Variants in HNRNPM observed in about 807,000 individuals in gnomAD.
HNRNPM encodes the protein heterogeneous nuclear ribonucleoprotein M, also known as CEA receptor.
Under a neutral mutation model 73.1 loss-of-function variants are expected in HNRNPM, and 11 were observed. The ratio of observed to expected loss-of-function variants is 0.15; its 90% CI spans 0.09 to 0.25. HNRNPM has a LOEUF of 0.25. Ranked by LOEUF, HNRNPM falls within the 10% of genes least tolerant of loss-of-function variation. HNRNPM has a pLI of 1.00. For missense variants in HNRNPM, 789 were observed against 1,067.9 expected (o/e 0.74, Z 3.64); for synonymous variants, 407 against 355.2 (o/e 1.15, Z -1.64).
In HNRNPM at chr19:8,445,213, C is replaced by T. The variant is rs1968048407; in HGVS notation, c.113+102C>T. 5.6e-6 allele frequency: 6 copies of T among 1,073,986 alleles called. No homozygotes were observed. In the East Asian group the frequency reaches 9.8e-5, roughly 17 times the overall value. The allele number at this position is 1,073,986 out of a possible 1,614,324, so 66.5% of individuals were successfully genotyped here. On this transcript the variant is annotated intron_variant, in intron 1 of 15. Transcript: ENST00000325495. ...TGTTGGCGGCCTAGCCCCGGCGCGG[C>T]CTCGGCCCCGGCTGTTCCCGTACCG...
Position 8,462,438 on chromosome 19 carries a change from C to T in HNRNPM, c.284-91C>T. 9.6e-7 allele frequency: 1 copy of T among 1,044,468 alleles called. No individual in the cohort carries two copies. Among genetic ancestry groups the T allele is most frequent in the Admixed American group, 1.7e-5 (1 of 58,598 alleles). The allele number at this position is 1,044,468 out of a possible 1,614,324, so 64.7% of individuals were successfully genotyped here. ...GGGCTTTCTTATAAGGCAGAGGCTC[C>T]ATACAAGGTTGCTGATGATTGTTCT... On this transcript the variant is annotated intron_variant, in intron 2 of 15. Transcript: ENST00000325495. This position sits in a 1 kb window ranked among gnomAD's most constrained non-coding sequence, Gnocchi z 4.5.
chr19:8,488,438 C>T (rs7507526), intron 15 of HNRNPM: 370,879 of 409,070 alleles, frequency 0.91, 172,152 homozygotes, highest in East Asian at 0.99. Context: ...CTTTACACTG[C>T]GCCTTCTTTT....
Position 8,462,605 on chromosome 19 carries a change from CT to C in HNRNPM, c.336+25del, listed in dbSNP as rs1969474841. The stretch of plus-strand genomic sequence containing the variant: ...GGGTAAGTGTCTGAGAGAATTTCTT[CT>C]GTGGATTTACTACATGAAAAATGTA... On this transcript the variant is annotated intron_variant, in intron 3 of 15. Transcript: ENST00000325495. This position sits in a 1 kb window ranked among gnomAD's most constrained non-coding sequence, Gnocchi z 4.5. 1 of 1,590,432 alleles carries C rather than the reference CT, an allele frequency of 6.3e-7. No homozygotes were observed. Among genetic ancestry groups the C allele is most frequent in the South Asian group, 1.1e-5 (1 of 90,604 alleles).
At chr19:8,455,620 T>A in intron 2 of HNRNPM, 46 bp downstream of exon 2, 2 of 1,508,842 alleles carry the variant, frequency 1.3e-6, no homozygotes, top group Non-Finnish European at 1.8e-6. Context: ...TGGTGTGTCA[T>A]CTTTTCTGTG....
At chr19:8,465,955 AT>A (rs1202392039) in intron 6 of HNRNPM, among the ~76,000 whole-genome samples, 2 of 152,138 alleles carry the variant, frequency 1.3e-5, no homozygotes, top group Admixed American at 6.5e-5. Context: ...CAGGGAAACA[AT>A]TTTTTAAAAA....
chr19:8,449,931 A>G (rs926809981), intron 1 of HNRNPM, among the ~76,000 whole-genome samples: 13 of 152,200 alleles, frequency 8.5e-5, no homozygotes, highest in Non-Finnish European at 1.3e-4. Context: ...AGCCACATGC[A>G]GTACTGCTTC....
At chr19:8,446,676 T>TA (rs1394339156) in intron 1 of HNRNPM, among the ~76,000 whole-genome samples, 1 of 152,184 alleles carries the variant, frequency 6.6e-6, no homozygotes, top group African/African-American at 2.4e-5. Flanking sequence ...GTGCTGAAGT[T>TA]ACAGGCATGA....
At position 8,485,818 on chromosome 19, in the gene HNRNPM, C is replaced by A. The variant is rs145562440; in HGVS notation, c.1390C>A (p.His464Asn). 2 of 1,602,686 alleles carry A rather than the reference C, an allele frequency of 1.2e-6. No homozygotes were observed. The highest frequency in any genetic ancestry group is 8.5e-7 in the Non-Finnish European group (1 of 1,179,290). Residue 464 changes from histidine (H) to asparagine (N), a missense_variant, in exon 14 of 16, where the codon CAC becomes AAC. By Grantham distance (68) the His-to-Asn change is moderately conservative (BLOSUM62 1). This residue lies in a region of HNRNPM where 604 missense variants were observed against 744.0 expected (regional missense o/e 0.81). Coordinates refer to ENST00000325495, the MANE Select transcript of HNRNPM (RefSeq NM_005968.5). The stretch of plus-strand genomic sequence containing the variant: ...GCGCATGGGCCCGCTGGGCCTCGAC[C>A]ACATGGCCTCCAGCATTGAGCGCAT... The part of the protein sequence containing the change: ...IERMGPLGLD[H>N]MASSIERMGQ...
At chr19:8,471,666 T>G (rs1204860332) in intron 10 of HNRNPM, among the ~76,000 whole-genome samples, 1 of 152,226 alleles carries the variant, frequency 6.6e-6, no homozygotes, top group Non-Finnish European at 1.5e-5. Context: ...CCTTCTAAGC[T>G]GAAATAGTTG....
At chr19:8,446,124 C>G (rs1456876547) in intron 1 of HNRNPM, among the ~76,000 whole-genome samples, 1 of 152,164 alleles carries the variant, frequency 6.6e-6, no homozygotes, top group Non-Finnish European at 1.5e-5. Flanking sequence ...TTGAATTTCC[C>G]AGACATTTAT....
chr19:8,479,436 G>A (rs1317043868), intron 12 of HNRNPM, among the ~76,000 whole-genome samples: 1 of 151,964 alleles, frequency 6.6e-6, no homozygotes, highest in Admixed American at 6.6e-5. Context: ...CCCTAGAAAG[G>A]TGGTCATTAG....
intron 1 of HNRNPM, among the ~76,000 whole-genome samples, chr19:8,447,108 A>G (rs1348541065): frequency 3.3e-5 from 5 of 152,172 alleles, no homozygotes; most frequent in Non-Finnish European, 7.3e-5. Context: ...TCATTTTACA[A>G]ATACATGTGG....
At position 8,485,670 on chromosome 19, in the gene HNRNPM, C is replaced by T. The variant is rs138329457; in HGVS notation, c.1242C>T (p.Ala414=). The change falls in exon 14 of 16, where the codon GCC becomes GCT. Residue 414 remains alanine, a synonymous_variant. Coordinates refer to ENST00000325495, the MANE Select transcript of HNRNPM (RefSeq NM_005968.5). ...CTGGCATTGACCGCCTCGGGGGTGCCGGCATGGAGCGCATGGGCGCGGGCC... is the reference window on the plus strand; with the variant it reads ...CTGGCATTGACCGCCTCGGGGGTGCTGGCATGGAGCGCATGGGCGCGGGCC... ...MGPGIDRLGG[A]GMERMGAGLG... is the part of the protein sequence containing the mutation. 2.9e-4 allele frequency: 464 copies of T among 1,607,840 alleles called. No individual in the cohort carries two copies. The highest frequency in any genetic ancestry group is 4.9e-4 in the Middle Eastern group (3 of 6,080).
At chr19:8,446,850 CCT>C (rs1208606145) in intron 1 of HNRNPM, among the ~76,000 whole-genome samples, 2 of 152,122 alleles carry the variant, frequency 1.3e-5, no homozygotes, top group African/African-American at 4.8e-5. Flanking sequence ...AGAAAAACTT[CCT>C]CTATTCCCAG....
chr19:8,472,155 G>A (rs1408690518), intron 10 of HNRNPM, among the ~76,000 whole-genome samples: 15 of 143,780 alleles, frequency 1.0e-4, no homozygotes, highest in Non-Finnish European at 6.0e-5. Context: ...TGGCAACAGA[G>A]CGAGAGTCCG....
At chr19:8,464,700 G>A (rs1308848207) in intron 5 of HNRNPM, among the ~76,000 whole-genome samples, 1 of 152,162 alleles carries the variant, frequency 6.6e-6, no homozygotes, top group Admixed American at 6.5e-5. Flanking sequence ...GATTCAGAGT[G>A]AAGCTTGGTA....
chr19:8,470,285 T>C (rs565650290), intron 9 of HNRNPM, among the ~76,000 whole-genome samples: 1 of 152,348 alleles, frequency 6.6e-6, no homozygotes, highest in African/African-American at 2.4e-5. Context: ...GCAGGTTTTA[T>C]TTACTTTTTA....
intron 10 of HNRNPM, among the ~76,000 whole-genome samples, chr19:8,472,240 TA>T (rs1568284734): frequency 6.6e-6 from 1 of 152,178 alleles, no homozygotes; most frequent in Non-Finnish European, 1.5e-5. Context: ...CTTTGCTGTT[TA>T]GCATTTTCAT....
intron 1 of HNRNPM, among the ~76,000 whole-genome samples, chr19:8,450,551 A>G (rs1968534077): frequency 6.6e-6 from 1 of 152,100 alleles, no homozygotes; most frequent in Non-Finnish European, 1.5e-5. Context: ...ATAGGACCAC[A>G]GGCACATGGT....
Sources: gnomAD v4.1 joint callset for allele counts (sites outside exome capture counted in the v4.1 genomes callset) on GRCh38, gnomAD v4.1.1 for gene constraint, gnomAD v4.1.1 regional missense constraint, Gnocchi (gnomAD v3.1) non-coding constraint, MANE v1.5 for transcripts, NCBI Gene and HGNC (gene_info 2026-07-23, HGNC 2026-07-21) for gene names.